The following KDSR variants were observed in gnomAD, a reference collection of about 807,000 sequenced individuals.
KDSR encodes 3-dehydrosphinganine reductase.
KDSR carries 23 observed loss-of-function variants against 41.3 expected under a neutral mutation model. The ratio of observed to expected loss-of-function variants is 0.56; its 90% CI spans 0.40 to 0.79. KDSR has a LOEUF of 0.79. KDSR is among the 30% of genes least tolerant of loss of function. The pLI, the probability that KDSR is intolerant of heterozygous loss-of-function variation, is 0.00. For missense variants in KDSR, 351 were observed against 416.8 expected (o/e 0.84, Z 1.37); for synonymous variants, 138 against 151.7 (o/e 0.91, Z 0.66).
At chr18:63,363,043 T>C (rs895205779) in intron 1 of KDSR, among the ~76,000 whole-genome samples, 175 bp from the exon 2 acceptor site, 1 of 152,130 alleles carries the variant, frequency 6.6e-6, no homozygotes. Flanking sequence ...GCATGAAAGA[T>C]ACTATCAGCA....
Position 63,331,251 on chromosome 18 carries a change from A to G in KDSR, c.*531T>C. 4.4e-6 allele frequency: 1 copy of G among 229,238 alleles called. No homozygotes were observed. Among genetic ancestry groups the G allele is most frequent in the South Asian group, 1.9e-4 (1 of 5,244 alleles). 14.2% of individuals were successfully genotyped at this position (229,238 alleles called of 1,614,324 possible). On this transcript the variant is annotated 3_prime_UTR_variant, in exon 10 of 10. Transcript: ENST00000645214. ...ATGGGTCCAACTCATCTTGAATAAA[A>G]TACACAAAGAAAGAAAGAGAGAGAG...
intron 9 of KDSR, among the ~76,000 whole-genome samples, chr18:63,334,255 C>A (rs1415985995): frequency 6.6e-6 from 1 of 152,178 alleles, no homozygotes; most frequent in Non-Finnish European, 1.5e-5. Context: ...TGGTTGACTG[C>A]ACAGAATTTA....
At chr18:63,364,593 G>A (rs923834491) in intron 1 of KDSR, among the ~76,000 whole-genome samples, 9 of 152,000 alleles carry the variant, frequency 5.9e-5, no homozygotes, top group Non-Finnish European at 7.4e-5. Context: ...ACAGGCGTGC[G>A]CCAGCACGCC....
intron 3 of KDSR, among the ~76,000 whole-genome samples, chr18:63,355,860 G>A (rs945091144): frequency 2.0e-5 from 3 of 152,340 alleles, no homozygotes; most frequent in Admixed American, 2.0e-4. Flanking sequence ...AGGATGGAAG[G>A]AACTGTGAAA....
intron 9 of KDSR, among the ~76,000 whole-genome samples, chr18:63,334,317 A>G (rs1203801766): frequency 1.3e-5 from 2 of 149,910 alleles, no homozygotes. Flanking sequence ...CATTCCCTCT[A>G]TTGTAACCCC....
intron 7 of KDSR, 111 bp downstream of exon 7, chr18:63,344,299 A>T: frequency 1.4e-6 from 1 of 691,648 alleles, no homozygotes; most frequent in Admixed American, 2.3e-5. Context: ...TAGGCACTCT[A>T]CCCAACAAAC....
intron 3 of KDSR, chr18:63,359,484 AT>A (rs1914901924): frequency 2.6e-6 from 1 of 383,596 alleles, no homozygotes; most frequent in African/African-American, 2.0e-5. Context: ...TAAAAAAAAA[AT>A]TAAAATGAAA....
chr18:63,359,051 T>G (rs1194461288), intron 3 of KDSR, among the ~76,000 whole-genome samples: 1 of 148,498 alleles, frequency 6.7e-6, no homozygotes, highest in African/African-American at 2.5e-5. Context: ...TGATGGCACG[T>G]GTCTATAATC....
chr18:63,331,445 G>C lies in KDSR; in HGVS notation c.*337C>G, dbSNP rs560413772. ...GTACATTTCTGGACTTAATCTCTAG[G>C]GGGGCAAAAAAGAATAAATAGAAAC... On this transcript the variant is annotated 3_prime_UTR_variant, in exon 10 of 10. Coordinates refer to ENST00000645214, the MANE Select transcript of KDSR (RefSeq NM_002035.4). The C allele has an allele frequency of 6.3e-5, 15 of 239,272 alleles. No homozygotes were observed. The highest frequency in any genetic ancestry group is 5.3e-4 in the South Asian group (3 of 5,624). 14.8% of individuals were successfully genotyped at this position (239,272 alleles called of 1,614,324 possible). A position where few individuals can be genotyped will look rare whatever the true frequency, so the allele number is the denominator to read the frequency against.
chr18:63,343,776 G>C (rs1022587909), intron 7 of KDSR, among the ~76,000 whole-genome samples: 3 of 151,624 alleles, frequency 2.0e-5, no homozygotes, highest in African/African-American at 7.3e-5. Flanking sequence ...AAACATGTTA[G>C]TTAAAATAAA....
rs1394214098 is a variant in KDSR, at chr18:63,328,156, GTAAT to G, written c.*3622_*3625del. On this transcript the variant is annotated 3_prime_UTR_variant, in exon 10 of 10. Transcript: ENST00000645214. ...ATACATGTTTAAATTAGAACCTGATGTAATTAAATGTTTATGTAATTTAGCAAAA... is the reference window on the plus strand; with the variant it reads ...ATACATGTTTAAATTAGAACCTGATGTAAATGTTTATGTAATTTAGCAAAA... 5.4e-6 allele frequency: 1 copy of G among 184,084 alleles called. No homozygotes were observed. Among genetic ancestry groups the G allele is most frequent in the Non-Finnish European group, 1.2e-5 (1 of 86,788 alleles). 11.4% of individuals were successfully genotyped at this position (184,084 alleles called of 1,614,324 possible). A position where few individuals can be genotyped will look rare whatever the true frequency, so the allele number is the denominator to read the frequency against.
chr18:63,339,103 C>T (rs1914269468), intron 7 of KDSR, among the ~76,000 whole-genome samples: 1 of 152,232 alleles, frequency 6.6e-6, no homozygotes, highest in African/African-American at 2.4e-5. Flanking sequence ...GAGGCCTTTG[C>T]CATTCTCTTA....
chr18:63,353,013 A>T (rs1479305779), intron 5 of KDSR, among the ~76,000 whole-genome samples: 39 of 2,684 alleles, frequency 0.015, no homozygotes, highest in Non-Finnish European at 0.061. Context: ...CTAAAAATAC[A>T]AAAAAAAAAA....
At chr18:63,362,341 A>G (rs919018277) in intron 2 of KDSR, among the ~76,000 whole-genome samples, 1 of 152,252 alleles carries the variant, frequency 6.6e-6, no homozygotes, top group Non-Finnish European at 1.5e-5. Flanking sequence ...TGGTGTATAG[A>G]TTTCACTAGA....
chr18:63,331,787 C>T lies in KDSR; in HGVS notation c.994G>A (p.Ala332Thr). The T allele has an allele frequency of 6.2e-7, 1 of 1,613,376 alleles. No individual in the cohort carries two copies. The highest frequency in any genetic ancestry group is 8.5e-7 in the Non-Finnish European group (1 of 1,179,736). The stretch of plus-strand genomic sequence containing the variant: ...TCTTCCAAGGGGTAAGAAGATTAGG[C>T]AGTTTTGTCTGCATTTTCAGATTTT... ...REKSENADKT[A>T] is the part of the protein sequence containing the mutation. The change falls in exon 10 of 10, where the codon GCC becomes ACC. Residue 332 changes from alanine to threonine, a missense_variant. By Grantham distance (58) the Ala-to-Thr change is moderately conservative. Coordinates refer to ENST00000645214, the MANE Select transcript of KDSR (RefSeq NM_002035.4).
intron 6 of KDSR, 164 bp from the exon 7 acceptor site, chr18:63,344,657 T>C (rs1333339771): frequency 1.9e-6 from 1 of 531,258 alleles, no homozygotes; most frequent in African/African-American, 1.9e-5. Context: ...CCCCTCTCCA[T>C]GATGATTCCA....
At position 63,331,266 on chromosome 18, in the gene KDSR, A is replaced by AAG. The variant is rs74169956; in HGVS notation, c.*514_*515dup. 2.7e-3 allele frequency: 434 copies of AAG among 163,070 alleles called. 2 individuals are homozygous for AAG. The highest frequency in any genetic ancestry group is 3.8e-3 in the East Asian group (56 of 14,756). The allele number at this position is 163,070 out of a possible 1,614,324, so 10.1% of individuals were successfully genotyped here. ...CTTGAATAAAATACACAAAGAAAGA[A>AAG]AGAGAGAGAGAGAGAGAGACAGAGA... On this transcript the variant is annotated 3_prime_UTR_variant, in exon 10 of 10. Transcript: ENST00000645214.
chr18:63,339,819 C>T (rs910836375), intron 7 of KDSR, among the ~76,000 whole-genome samples: 4 of 152,100 alleles, frequency 2.6e-5, no homozygotes, highest in African/African-American at 9.7e-5. Context: ...CAAATAATTT[C>T]AAGTAGAAGT....
chr18:63,353,394 T>C (rs1198358768), intron 5 of KDSR, among the ~76,000 whole-genome samples: 1 of 152,052 alleles, frequency 6.6e-6, no homozygotes, highest in Non-Finnish European at 1.5e-5. Flanking sequence ...ATAACTAACT[T>C]AGCAGACCAC....
Sources: allele counts gnomAD v4.1 joint callset (sites outside exome capture counted in the v4.1 genomes callset), GRCh38; gene constraint gnomAD v4.1.1; transcripts MANE v1.5; gene names NCBI Gene and HGNC (gene_info 2026-07-23, HGNC 2026-07-21).